The following ZNF732 variants were observed in gnomAD, a reference collection of about 807,000 sequenced individuals.
ZNF732 encodes the protein zinc finger protein 732.
A neutral mutation model predicts 11.5 loss-of-function variants in ZNF732; 12 were observed. The ratio of observed to expected loss-of-function variants is 1.05; its 90% CI spans 0.67 to 1.70. ZNF732 has a LOEUF of 1.70. ZNF732 is among the 40% of genes most tolerant of loss of function. The pLI, the probability that ZNF732 is intolerant of heterozygous loss-of-function variation, is 0.00. For synonymous variants in ZNF732, 231 were observed against 236.5 expected (o/e 0.98, Z 0.21); for missense variants, 702 against 676.9 (o/e 1.04, Z -0.41).
intron 3 of ZNF732, among the ~76,000 whole-genome samples, chr4:286,483 T>C (rs148861210): frequency 2.0e-4 from 31 of 152,328 alleles, no homozygotes; most frequent in African/African-American, 7.2e-4. Context: ...CAGAAAAGTT[T>C]TTCTATATCC....
chr4:289,214 C>G (rs1487094885), intron 3 of ZNF732, among the ~76,000 whole-genome samples: 1 of 152,188 alleles, frequency 6.6e-6, no homozygotes, highest in Non-Finnish European at 1.5e-5. Flanking sequence ...TTTCCTTTAC[C>G]TAATGATTTC....
chr4:271,820 G>A lies in ZNF732; in HGVS notation c.1037C>T (p.Ser346Phe), dbSNP rs1553837601. ...TCTCTTATGTTCATTCAGAACTGAG[G>A]ACCTACTAAAGGCTTTGCCACATTC... ...CEECGKAFSR[S>F]SVLNEHKRIH... Residue 346 changes from serine to phenylalanine, a missense_variant, in exon 4 of 4, where the codon TCC becomes TTC. Physicochemically the swap from Ser to Phe is radical, Grantham distance 155 (BLOSUM62 -2). Around this residue, in one of 3 missense-constraint regions of ZNF732, gnomAD observed 596 missense variants for 557.9 expected, o/e 1.07. Transcript: ENST00000419098. 8.1e-6 allele frequency: 13 copies of A among 1,612,718 alleles called. No homozygotes were observed. In the Admixed American group the frequency reaches 2.0e-4, roughly 25 times the overall value.
At chr4:280,281 T>C (rs540701202) in intron 3 of ZNF732, among the ~76,000 whole-genome samples, 156 of 123,710 alleles carry the variant, frequency 1.3e-3, no homozygotes, top group Middle Eastern at 4.0e-3. Context: ...TGACATGCAA[T>C]GTACAGCAGT....
intron 3 of ZNF732, among the ~76,000 whole-genome samples, chr4:284,431 G>A (rs1382106244): frequency 6.6e-6 from 1 of 151,994 alleles, no homozygotes; most frequent in Non-Finnish European, 1.5e-5. Flanking sequence ...GCAGTTCCAA[G>A]ACAGAATGTT....
rs967986133 is a variant in ZNF732, at chr4:305,364, C to G, written c.-54G>C. 8.1e-6 allele frequency: 13 copies of G among 1,605,564 alleles called. No individual in the cohort carries two copies. Among genetic ancestry groups the G allele is most frequent in the Admixed American group, 6.7e-5 (4 of 59,946 alleles). ...TCAGCTACGAATCATCCAATACCCG[C>G]AGGTCACAGAGCGACGGAGGCTGAG... On this transcript the variant is annotated 5_prime_UTR_variant, in exon 1 of 4. Coordinates refer to ENST00000419098, the MANE Select transcript of ZNF732 (RefSeq NM_001137608.3).
chr4:284,870 CAA>C (rs1163209652), intron 3 of ZNF732, among the ~76,000 whole-genome samples: 20 of 54,818 alleles, frequency 3.6e-4, no homozygotes, highest in African/African-American at 6.6e-4. Context: ...GACTCTGTCT[CAA>C]AAAAAAAAAA....
chr4:286,550 G>A (rs1304912531), intron 3 of ZNF732, among the ~76,000 whole-genome samples: 1 of 152,230 alleles, frequency 6.6e-6, no homozygotes, highest in Non-Finnish European at 1.5e-5. Context: ...GGCACAAGAA[G>A]ACAAGTGCTA....
In ZNF732 at chr4:295,362, T is replaced by C. The variant is rs910462035; in HGVS notation, c.226+76A>G. On this transcript the variant is annotated intron_variant, in intron 3 of 3. Transcript: ENST00000419098. ...TTCACTGGAGCAGAGCTTCCCAAAC[T>C]ACATTTTAAGGCCTAGCTTCCTTCT... 1.2e-5 allele frequency: 15 copies of C among 1,239,304 alleles called. No individual in the cohort carries two copies. The South Asian group carries it at 2.3e-4, about 19-fold the overall frequency. 76.8% of individuals were successfully genotyped at this position (1,239,304 alleles called of 1,614,324 possible).
At position 287,729 on chromosome 4, in the gene ZNF732, C is replaced by T. The variant is rs897620798; in HGVS notation, c.226+7709G>A. Among the ~76,000 whole-genome samples, 13 of 151,938 alleles carry T rather than the reference C, an allele frequency of 8.6e-5. 1 individual carries two copies. Among genetic ancestry groups the T allele is most frequent in the Admixed American group, 7.9e-4 (12 of 15,250 alleles). ...CAAAATCTTGGCTCACTGCAAGCTC[C>T]GCCTCCCGGTTTCACACCATTCTCC... On this transcript the variant is annotated intron_variant, in intron 3 of 3. Coordinates refer to ENST00000419098, the MANE Select transcript of ZNF732 (RefSeq NM_001137608.3).
At chr4:299,866 T>A (rs1720076359) in intron 1 of ZNF732, among the ~76,000 whole-genome samples, 1 of 145,582 alleles carries the variant, frequency 6.9e-6, no homozygotes, top group Admixed American at 6.9e-5. Context: ...CGGCTAATTT[T>A]TTTTTTTTTT....
chr4:299,446 T>C lies in ZNF732; in HGVS notation c.4-3291A>G, dbSNP rs1314958960. On this transcript the variant is annotated intron_variant, in intron 1 of 3. Transcript: ENST00000419098. ...ATATACACATATGTGTATATATATA[T>C]ATATACACATATGTGTATATATATA... 2.5e-4 allele frequency among the ~76,000 whole-genome samples: 19 copies of C among 77,062 alleles called. No homozygotes were observed. In the East Asian group the frequency reaches 3.0e-3, roughly 12 times the overall value. 50.6% of individuals were successfully genotyped at this position (77,062 alleles called of 152,430 possible).
intron 3 of ZNF732, among the ~76,000 whole-genome samples, chr4:290,892 G>A (rs1290433041): frequency 6.6e-6 from 1 of 152,140 alleles, no homozygotes; most frequent in African/African-American, 2.4e-5. Context: ...CCCAACAAAA[G>A]GAGATGTTTA....
chr4:297,548 C>A (rs1581546799), intron 1 of ZNF732, among the ~76,000 whole-genome samples: 1 of 105,002 alleles, frequency 9.5e-6, no homozygotes, highest in African/African-American at 3.7e-5. Flanking sequence ...CACAAAGAAA[C>A]AAAGGATGTA....
Position 270,855 on chromosome 4 carries a change from TTG to T in ZNF732, c.*242_*243del. 1.4e-6 allele frequency: 1 copy of T among 692,460 alleles called. No homozygotes were observed. The highest frequency in any genetic ancestry group is 2.7e-6 in the Non-Finnish European group (1 of 372,038). The allele number at this position is 692,460 out of a possible 1,614,324, so 42.9% of individuals were successfully genotyped here. A position where few individuals can be genotyped will look rare whatever the true frequency, so the allele number is the denominator to read the frequency against. On this transcript the variant is annotated 3_prime_UTR_variant, in exon 4 of 4. Coordinates refer to ENST00000419098, the MANE Select transcript of ZNF732 (RefSeq NM_001137608.3). ...TGCCACATTCTTCACATTTGTAGGG[TTG>T]CTCTCCAGCATCAATTTTCTTATGT... is the stretch of plus-strand genomic sequence containing the variant.
Position 271,734 on chromosome 4 carries a change from C to A in ZNF732, c.1123G>T (p.Ala375Ser), listed in dbSNP as rs376831555. ...ATACTCTTATGTTTATTAAGGGTTG[C>A]GGATTGTCTAAAGGCTTTGCCACAT... ...EQCGKAFRQS[A>S]TLNKHKSIHT... is the part of the protein sequence containing the mutation. Residue 375 changes from alanine to serine, a missense_variant, in exon 4 of 4, where the codon GCA becomes TCA. Coordinates refer to ENST00000419098, the MANE Select transcript of ZNF732 (RefSeq NM_001137608.3). 1.2e-6 allele frequency: 2 copies of A among 1,600,372 alleles called. No individual in the cohort carries two copies. The highest frequency in any genetic ancestry group is 1.1e-5 in the South Asian group (1 of 89,988).
chr4:302,409 C>G (rs782667362), intron 1 of ZNF732, among the ~76,000 whole-genome samples: 3 of 152,156 alleles, frequency 2.0e-5, no homozygotes, highest in Non-Finnish European at 4.4e-5. Flanking sequence ...CCATAATTCT[C>G]AAGTAGAAGA....
At chr4:283,156 T>C (rs1177024110) in intron 3 of ZNF732, among the ~76,000 whole-genome samples, 1 of 152,082 alleles carries the variant, frequency 6.6e-6, no homozygotes, top group Non-Finnish European at 1.5e-5. Flanking sequence ...GGGTCTATCA[T>C]AAAAGTGAGC....
At chr4:294,380 C>A (rs1186052088) in intron 3 of ZNF732, among the ~76,000 whole-genome samples, 1 of 152,200 alleles carries the variant, frequency 6.6e-6, no homozygotes, top group Non-Finnish European at 1.5e-5. Flanking sequence ...TTATTATACA[C>A]ATATATAACT....
intron 3 of ZNF732, among the ~76,000 whole-genome samples, chr4:294,642 T>A (rs1459450839): frequency 1.3e-5 from 2 of 152,194 alleles, no homozygotes; most frequent in African/African-American, 4.8e-5. Flanking sequence ...TTTTTGCTTA[T>A]CTAAGGTGGT....
Sources: allele counts gnomAD v4.1 joint callset (sites outside exome capture counted in the v4.1 genomes callset), GRCh38; gene constraint gnomAD v4.1.1; regional missense constraint gnomAD v4.1.1; transcripts MANE v1.5; gene names NCBI Gene and HGNC (gene_info 2026-07-23, HGNC 2026-07-21).